CARMIL1: variants seen among roughly 807,000 people sequenced by gnomAD.
CARMIL1 encodes capping protein regulator and myosin 1 linker 1, also known as F-actin-uncapping protein LRRC16A.
CARMIL1 carries 90 observed loss-of-function variants against 177.1 expected under a neutral mutation model. That is an observed-to-expected ratio of 0.51 (90% CI 0.43 to 0.61). CARMIL1 has a LOEUF of 0.61. Ranked by LOEUF, CARMIL1 falls within the 20% of genes least tolerant of loss-of-function variation. The probability of loss-of-function intolerance (pLI) is 0.00; values close to 1 mark genes in which losing one functional copy is unlikely to be tolerated. For missense variants in CARMIL1, 1,380 were observed against 1,667.0 expected, an observed-to-expected ratio of 0.83 and a Z score of 3.00; for synonymous variants, 577 against 606.2, an observed-to-expected ratio of 0.95 and a Z score of 0.71.
chr6:25,459,491 A>G (rs1286138396), intron 8 of CARMIL1, among the ~76,000 whole-genome samples: 1 of 151,786 alleles, frequency 6.6e-6, no homozygotes, highest in Non-Finnish European at 1.5e-5. Flanking sequence ...GGCAAAAGCT[A>G]TCCACCTGCC....
intron 4 of CARMIL1, 70 bp downstream of exon 4, chr6:25,426,630 T>A: frequency 1.4e-6 from 2 of 1,406,402 alleles, no homozygotes; most frequent in Middle Eastern, 3.6e-4. Flanking sequence ...AAAATGTTCC[T>A]TGAGACAATG....
At chr6:25,384,126 A>G (rs2150500195) in intron 2 of CARMIL1, among the ~76,000 whole-genome samples, 1 of 152,318 alleles carries the variant, frequency 6.6e-6, no homozygotes, top group East Asian at 1.9e-4. Context: ...GGCGTGAGCC[A>G]CCGCGCCCGG....
intron 31 of CARMIL1, among the ~76,000 whole-genome samples, chr6:25,582,650 C>T (rs544927066): frequency 3.3e-5 from 5 of 152,262 alleles, no homozygotes; most frequent in African/African-American, 1.2e-4. Flanking sequence ...TCCTGAGCTC[C>T]AGCCCTCTAA....
At chr6:25,422,908 A>T (rs1795976504) in intron 3 of CARMIL1, among the ~76,000 whole-genome samples, 1 of 152,232 alleles carries the variant, frequency 6.6e-6, no homozygotes, top group South Asian at 2.1e-4. Flanking sequence ...CCGTCCTGTG[A>T]TGTATATAAT....
At chr6:25,493,692 A>G (rs990022957) in intron 15 of CARMIL1, among the ~76,000 whole-genome samples, 4 of 152,326 alleles carry the variant, frequency 2.6e-5, no homozygotes, top group African/African-American at 9.6e-5. Context: ...AGAGAGTCAC[A>G]TGGCCAAGCC....
intron 12 of CARMIL1, among the ~76,000 whole-genome samples, chr6:25,485,684 C>T (rs1458050347): frequency 6.6e-6 from 1 of 152,230 alleles, no homozygotes; most frequent in Non-Finnish European, 1.5e-5. Context: ...ATCCATCTGC[C>T]TCAGCCTCCC....
intron 5 of CARMIL1, among the ~76,000 whole-genome samples, chr6:25,440,944 A>G (rs1339276016): frequency 6.6e-6 from 1 of 152,086 alleles, no homozygotes; most frequent in Non-Finnish European, 1.5e-5. Flanking sequence ...CAGGTGAATC[A>G]GGAGGAGTTA....
intron 24 of CARMIL1, among the ~76,000 whole-genome samples, chr6:25,529,278 G>A (rs1425511110): frequency 6.6e-6 from 1 of 151,506 alleles, no homozygotes; most frequent in Non-Finnish European, 1.5e-5. Context: ...TGTTCACAAT[G>A]TCAGGTTCAT....
At chr6:25,500,082 C>T (rs1167914255) in intron 16 of CARMIL1, 84 bp from the exon 17 acceptor site, 2 of 1,223,000 alleles carry the variant, frequency 1.6e-6, no homozygotes, top group African/African-American at 3.0e-5. Context: ...CCTTCTTTCT[C>T]TAGGCTTTAT....
intron 26 of CARMIL1, among the ~76,000 whole-genome samples, chr6:25,544,634 C>G (rs1562270737): frequency 6.6e-6 from 1 of 151,046 alleles, no homozygotes; most frequent in African/African-American, 2.5e-5. Context: ...CACACACACA[C>G]ACACACACAC....
At chr6:25,584,949 A>C (rs1813497606) in intron 31 of CARMIL1, among the ~76,000 whole-genome samples, 2 of 152,208 alleles carry the variant, frequency 1.3e-5, no homozygotes, top group African/African-American at 4.8e-5. Context: ...GCCAGGACTC[A>C]CAGGGTTGGC....
rs1805268881 is a variant in CARMIL1, at chr6:25,509,635, G to T, written c.1396-21G>T. On this transcript the variant is annotated intron_variant, in intron 17 of 36. Coordinates refer to ENST00000329474, the MANE Select transcript of CARMIL1 (RefSeq NM_017640.6). This position sits in a 1 kb window ranked among gnomAD's most constrained non-coding sequence, Gnocchi z 4.1. ...CAGTAGAGTGAAGACTTTACTTTGT[G>T]TTTGGTTTGTGTTTCTCTAGCTGAG... The T allele has an allele frequency of 1.9e-6, 3 of 1,555,292 alleles. No individual in the cohort carries two copies. In the Admixed American group the frequency reaches 5.3e-5, roughly 28 times the overall value.
At chr6:25,456,291 A>C (rs774855769) in intron 8 of CARMIL1, among the ~76,000 whole-genome samples, 1 of 152,144 alleles carries the variant, frequency 6.6e-6, no homozygotes, top group Non-Finnish European at 1.5e-5. Flanking sequence ...ATGTTGTGAT[A>C]ATGTTTTCTT....
intron 2 of CARMIL1, among the ~76,000 whole-genome samples, chr6:25,367,025 A>T (rs1287122062): frequency 6.6e-6 from 1 of 152,212 alleles, no homozygotes; most frequent in East Asian, 1.9e-4. Flanking sequence ...AGTTACTCAT[A>T]GTAGCATTCC....
At chr6:25,310,769 T>A (rs1175788933) in intron 2 of CARMIL1, among the ~76,000 whole-genome samples, 1 of 152,212 alleles carries the variant, frequency 6.6e-6, no homozygotes, top group Non-Finnish European at 1.5e-5. Flanking sequence ...ACTTTTAAAA[T>A]GATTCATTTA....
At chr6:25,584,744 T>C (rs1813477677) in intron 31 of CARMIL1, among the ~76,000 whole-genome samples, 1 of 152,174 alleles carries the variant, frequency 6.6e-6, no homozygotes, top group Non-Finnish European at 1.5e-5. Context: ...GACATTTCTT[T>C]TATCTGCCTA....
chr6:25,326,936 T>G lies in CARMIL1; in HGVS notation c.138+42027T>G, dbSNP rs1785162744. Among the ~76,000 whole-genome samples, 2 of 152,014 alleles carry G rather than the reference T, an allele frequency of 1.3e-5. No homozygotes were observed. Among genetic ancestry groups the G allele is most frequent in the African/African-American group, 2.4e-5 (1 of 41,376 alleles). On this transcript the variant is annotated intron_variant, in intron 2 of 36. Transcript: ENST00000329474. The surrounding 1 kb of genome is among the most constrained non-coding windows in gnomAD (Gnocchi z 4.2). ...CCTTGTTTATTGTGATGAGGGAGAC[T>G]GGTGGGGGTAGCAAAAGGACATAAC...
intron 5 of CARMIL1, among the ~76,000 whole-genome samples, chr6:25,440,347 T>G (rs1299496012): frequency 1.3e-5 from 2 of 152,194 alleles, no homozygotes; most frequent in African/African-American, 4.8e-5. Flanking sequence ...GAAAGGCAAT[T>G]CACATGAAGA....
rs763193859 is a variant in CARMIL1 at position 25,423,268 on chromosome 6, G to A, written c.189+3104G>A. Among the ~76,000 whole-genome samples the A allele has an allele frequency of 2.6e-5, 4 of 152,056 alleles. No individual in the cohort carries two copies. The South Asian group carries it at 8.3e-4, about 32-fold the overall frequency. On this transcript the variant is annotated intron_variant, in intron 3 of 36. Coordinates refer to ENST00000329474, the MANE Select transcript of CARMIL1 (RefSeq NM_017640.6). ...ACATATATAGTCAAATGCACAAAAC[G>A]GACATGTGCATCTCAGTAATTAACT... is the stretch of plus-strand genomic sequence containing the variant.
Sources: allele counts gnomAD v4.1 joint callset (sites outside exome capture counted in the v4.1 genomes callset), GRCh38; gene constraint gnomAD v4.1.1; non-coding constraint Gnocchi (gnomAD v3.1); transcripts MANE v1.5; gene names NCBI Gene and HGNC (gene_info 2026-07-23, HGNC 2026-07-21).